Variants in CPVL observed in about 807,000 individuals in gnomAD.
CPVL encodes the protein carboxypeptidase vitellogenic like.
Under a neutral mutation model 63.7 loss-of-function variants are expected in CPVL, and 51 were observed. The observed-to-expected ratio is 0.80, with a 90% CI of 0.64 to 1.01. The LOEUF is 1.01. Ranked by LOEUF, CPVL falls within the 50% of genes least tolerant of loss-of-function variation. CPVL has a pLI of 0.00. For synonymous variants in CPVL, 195 were observed against 206.0 expected (o/e 0.95, Z 0.46); for missense variants, 530 against 573.1 (o/e 0.92, Z 0.77).
upstream of CPVL, among the ~76,000 whole-genome samples, chr7:29,150,091 A>T (rs1483134488): frequency 6.6e-6 from 1 of 152,210 alleles, no homozygotes; most frequent in Non-Finnish European, 1.5e-5. Context: ...AACAAGATTT[A>T]AAACTGTCAG....
chr7:29,052,317 GA>G (rs557133039), intron 11 of CPVL, among the ~76,000 whole-genome samples: 29 of 141,356 alleles, frequency 2.1e-4, no homozygotes, highest in Admixed American at 5.8e-4. Context: ...AATAGAGACA[GA>G]AAAAAAAAAG....
chr7:29,108,407 C>T (rs922396381), intron 3 of CPVL, among the ~76,000 whole-genome samples: 3 of 152,184 alleles, frequency 2.0e-5, no homozygotes, highest in Non-Finnish European at 4.4e-5. Flanking sequence ...ATCTCTATGT[C>T]TTTTTTATCT....
intron 7 of CPVL, among the ~76,000 whole-genome samples, chr7:29,083,547 C>A (rs1784938847): frequency 6.6e-6 from 1 of 152,182 alleles, no homozygotes; most frequent in Non-Finnish European, 1.5e-5. Flanking sequence ...AATGGATAGG[C>A]TATACCTGCC....
intron 11 of CPVL, among the ~76,000 whole-genome samples, chr7:29,041,129 T>A (rs1168151401): frequency 3.2e-5 from 4 of 124,446 alleles, no homozygotes; most frequent in Non-Finnish European, 6.1e-5. Flanking sequence ...TAACTGGATT[T>A]TTTTTTTTTT....
intron 12 of CPVL, among the ~76,000 whole-genome samples, chr7:29,027,901 G>A (rs1787655390): frequency 6.6e-6 from 1 of 152,070 alleles, no homozygotes; most frequent in South Asian, 2.1e-4. Context: ...TGATCATACT[G>A]AATAAAGCAA....
chr7:29,188,712 C>T (rs1355007092), intron 1 of CPVL, among the ~76,000 whole-genome samples: 1 of 152,094 alleles, frequency 6.6e-6, no homozygotes, highest in African/African-American at 2.4e-5. Context: ...AAAATGCCAG[C>T]TGTCTAGAAA....
intron 1 of CPVL, among the ~76,000 whole-genome samples, chr7:29,140,330 T>G (rs1049730700): frequency 3.9e-5 from 6 of 152,204 alleles, no homozygotes; most frequent in African/African-American, 1.4e-4. Context: ...CAAATAGTTT[T>G]CTCTCCTTTA....
At chr7:29,178,840 C>G (rs1797704958) in intron 5 of CPVL, among the ~76,000 whole-genome samples, 1 of 152,038 alleles carries the variant, frequency 6.6e-6, no homozygotes. Context: ...AATAATCAGC[C>G]AATAAAAATG....
chr7:29,092,652 A>T lies in CPVL; in HGVS notation c.513T>A (p.Asn171Lys). The change falls in exon 6 of 13, where the codon AAT becomes AAA. Residue 171 changes from asparagine to lysine, a missense_variant. Coordinates refer to ENST00000265394, the MANE Select transcript of CPVL (RefSeq NM_031311.5). ...ATAAATCCCGTGCTACATCGTCCTC[A>T]TTGACTGCATATCCGTGGGTATCAT... ...FTDDTHGYAV[N>K]EDDVARDLYS... 1 of 1,613,968 alleles carries T rather than the reference A, an allele frequency of 6.2e-7. No homozygotes were observed.
chr7:29,147,055 A>T (rs1478263208), upstream of CPVL: 1 of 1,498,492 alleles, frequency 6.7e-7, no homozygotes, highest in South Asian at 1.3e-5. Flanking sequence ...GTACCATTAT[A>T]CCCATTTTGC....
chr7:29,008,623 T>C (rs1457663059), intron 12 of CPVL, among the ~76,000 whole-genome samples: 1 of 152,228 alleles, frequency 6.6e-6, no homozygotes. Flanking sequence ...TTTATTGGTT[T>C]ATATAAATGC....
intron 11 of CPVL, among the ~76,000 whole-genome samples, chr7:29,033,077 G>A (rs1788187506): frequency 6.6e-6 from 1 of 152,118 alleles, no homozygotes; most frequent in Admixed American, 6.5e-5. Context: ...GGTACAAATG[G>A]AAATCCTTCC....
intron 1 of CPVL, among the ~76,000 whole-genome samples, chr7:29,144,579 T>C (rs752799665): frequency 2.4e-4 from 37 of 152,048 alleles, no homozygotes; most frequent in Non-Finnish European, 4.6e-4. Flanking sequence ...AATGGGTCAT[T>C]ACTATTTACC....
chr7:29,167,916 C>T (rs1384843077), intron 5 of CPVL, among the ~76,000 whole-genome samples: 3 of 152,180 alleles, frequency 2.0e-5, no homozygotes, highest in African/African-American at 7.2e-5. Context: ...CTTTCCTTCC[C>T]TCTGACAAGG....
chr7:29,099,548 C>T (rs1786855752), intron 3 of CPVL, among the ~76,000 whole-genome samples: 1 of 152,080 alleles, frequency 6.6e-6, no homozygotes, highest in African/African-American at 2.4e-5. Context: ...CGCATCTCTA[C>T]TAAAAATACA....
intron 4 of CPVL, among the ~76,000 whole-genome samples, chr7:29,181,807 A>G (rs1370313366): frequency 6.6e-6 from 1 of 152,176 alleles, no homozygotes; most frequent in Non-Finnish European, 1.5e-5. Flanking sequence ...GAATGTTCAT[A>G]TTGCTATGTA....
exon 1 of CPVL, chr7:29,195,083 C>A (rs1029264883): frequency 2.2e-6 from 3 of 1,348,794 alleles, no homozygotes; most frequent in Non-Finnish European, 3.0e-6. Flanking sequence ...CTACCTGTGG[C>A]CATCCCGCCC....
At chr7:29,020,447 TTTC>T (rs1173296828) in intron 12 of CPVL, among the ~76,000 whole-genome samples, 5 of 152,244 alleles carry the variant, frequency 3.3e-5, no homozygotes, top group Non-Finnish European at 5.9e-5. Context: ...TTTATAATTT[TTTC>T]TTCGTTATAT....
intron 5 of CPVL, among the ~76,000 whole-genome samples, chr7:29,160,833 T>G (rs1795073518): frequency 6.6e-6 from 1 of 152,232 alleles, no homozygotes. Context: ...TTTATCACAT[T>G]CAAATGATAA....
Sources: gnomAD v4.1 joint callset for allele counts (sites outside exome capture counted in the v4.1 genomes callset) on GRCh38, gnomAD v4.1.1 for gene constraint, MANE v1.5 for transcripts, NCBI Gene and HGNC (gene_info 2026-07-23, HGNC 2026-07-21) for gene names.